HTR1D: variants seen among roughly 807,000 people sequenced by gnomAD.
HTR1D encodes the protein 5-hydroxytryptamine receptor 1D.
In HTR1D, 18 loss-of-function variants were observed where a neutral mutation model predicts 21.1. The observed-to-expected ratio is 0.85, with a 90% CI of 0.59 to 1.27. HTR1D has a LOEUF of 1.27. Among genes scored for constraint, HTR1D ranks in the 50% most tolerant of loss-of-function variants. The pLI is 0.00. For missense variants in HTR1D, 456 were observed against 481.4 expected (o/e 0.95, Z 0.49); for synonymous variants, 196 against 204.4 (o/e 0.96, Z 0.35).
chr1:23,195,228 A>G (rs1468807656), intron 1 of HTR1D, among the ~76,000 whole-genome samples: 1 of 152,244 alleles, frequency 6.6e-6, no homozygotes, highest in Admixed American at 6.5e-5. Context: ...GCTTGTTAGA[A>G]GTACATGAAA....
intron 1 of HTR1D, among the ~76,000 whole-genome samples, chr1:23,203,649 CCT>C (rs553724635): frequency 1.6e-3 from 244 of 152,064 alleles, no homozygotes; most frequent in Non-Finnish European, 2.3e-3. Context: ...AGAGTGAGCC[CCT>C]GTCTTAAAAC....
rs770061702 is a variant in HTR1D, at chr1:23,193,977, G to C, written c.243C>G (p.Ala81=). 6.2e-7 allele frequency: 1 copy of C among 1,614,152 alleles called. No homozygotes were observed. Among genetic ancestry groups the C allele is most frequent in the Non-Finnish European group, 8.5e-7 (1 of 1,180,042 alleles). ...TPANYLIGSL[A]TTDLLVSILV... ...AGATGGAAACCAAGAGGTCGGTGGT[G>C]GCCAGGGAGCCAATCAGGTAGTTGG... Residue 81 remains alanine (A), a synonymous_variant, in exon 2 of 2, where the codon GCC becomes GCG. Transcript: ENST00000374619.
chr1:23,195,329 G>C (rs568582555), intron 1 of HTR1D, among the ~76,000 whole-genome samples: 1 of 152,090 alleles, frequency 6.6e-6, no homozygotes, highest in South Asian at 2.1e-4. Context: ...GAACGATAAA[G>C]GCCATCAGGA....
At chr1:23,216,960 C>T (rs778178839) in intron 1 of HTR1D, among the ~76,000 whole-genome samples, 117 of 152,166 alleles carry the variant, frequency 7.7e-4, no homozygotes, top group Non-Finnish European at 9.9e-4. Flanking sequence ...CCTCGGGGGG[C>T]GTCGCGGTCC....
chr1:23,211,953 A>T (rs1196249218), intron 1 of HTR1D, among the ~76,000 whole-genome samples: 4 of 152,074 alleles, frequency 2.6e-5, no homozygotes, highest in Non-Finnish European at 5.9e-5. Flanking sequence ...GTGAATCATC[A>T]TGCCCAGCCC....
rs1181010385 is a variant in HTR1D at position 23,193,997 on chromosome 1, A to C, written c.223T>G (p.Tyr75Asp). The C allele has an allele frequency of 6.2e-7, 1 of 1,613,976 alleles. No homozygotes were observed. The highest frequency in any genetic ancestry group is 8.5e-7 in the Non-Finnish European group (1 of 1,179,998). The change falls in exon 2 of 2, where the codon TAC (tyrosine) becomes GAC (aspartate). Residue 75 changes from tyrosine (Y) to aspartate (D), a missense_variant. By Grantham distance (160) the Tyr-to-Asp change is radical. Transcript: ENST00000374619. ...GTGGTGGCCAGGGAGCCAATCAGGTAGTTGGCAGGGGTGTGGAGCTTCCTG... is the reference window on the plus strand; with the variant it reads ...GTGGTGGCCAGGGAGCCAATCAGGTCGTTGGCAGGGGTGTGGAGCTTCCTG... ...LTRKLHTPANYLIGSLATTDL... is the reference protein window; with the variant it reads ...LTRKLHTPANDLIGSLATTDL...
intron 1 of HTR1D, among the ~76,000 whole-genome samples, chr1:23,206,110 C>T (rs1644729509): frequency 6.6e-6 from 1 of 151,300 alleles, no homozygotes; most frequent in African/African-American, 2.4e-5. Context: ...GGTGCGATCT[C>T]GGCTCACTGC....
At position 23,193,843 on chromosome 1, in the gene HTR1D, A is replaced by T. The variant is rs1644672851; in HGVS notation, c.377T>A (p.Ile126Asn). 6.2e-7 allele frequency: 1 copy of T among 1,614,098 alleles called. No individual in the cohort carries two copies. Among genetic ancestry groups the T allele is most frequent in the Non-Finnish European group, 8.5e-7 (1 of 1,180,050 alleles). Reference sequence around the variant, plus strand: ...CAGAGCAATGACACAGAGATGCAGGATGGAGGCTGTGCAGCACGTGATGTC... The same window carrying T: ...CAGAGCAATGACACAGAGATGCAGGTTGGAGGCTGTGCAGCACGTGATGTC... ...SSDITCCTAS[I>N]LHLCVIALDR... Residue 126 changes from isoleucine (I) to asparagine (N), a missense_variant, in exon 2 of 2, where the codon ATC becomes AAC. Ile to Asn is a moderately radical substitution (Grantham distance 149, BLOSUM62 -3). Coordinates refer to ENST00000374619, the MANE Select transcript of HTR1D (RefSeq NM_000864.5).
rs1198536412 is a variant in HTR1D at position 23,193,521 on chromosome 1, T to C, written c.699A>G (p.Ser233=). The change falls in exon 2 of 2, where the codon TCA becomes TCG. Residue 233 remains serine (S), a synonymous_variant. Transcript: ENST00000374619. ...AARNRILNPP[S]LYGKRFTTAH... is the part of the protein sequence containing the mutation. ...CCGTGGTGAAGCGCTTCCCATAGAG[T>C]GAGGGTGGATTCAGGATGCGGTTCC... 1 of 1,612,006 alleles carries C rather than the reference T, an allele frequency of 6.2e-7. No individual in the cohort carries two copies. The highest frequency in any genetic ancestry group is 8.5e-7 in the Non-Finnish European group (1 of 1,179,458).
chr1:23,200,513 A>T (rs748982308), intron 1 of HTR1D, among the ~76,000 whole-genome samples: 1 of 152,172 alleles, frequency 6.6e-6, no homozygotes, highest in Non-Finnish European at 1.5e-5. Context: ...AACGCTCAAT[A>T]TAGTCAATGG....
rs1197360313 is a variant in HTR1D, at chr1:23,217,167, C to G, written c.-783+124G>C. ...GACCCTCTCCCTGGCGCGCGCCCGT[C>G]CGAGGGCACAGAGAGGCGGGACGCC... is the stretch of plus-strand genomic sequence containing the variant. On this transcript the variant is annotated intron_variant, in intron 1 of 1. Coordinates refer to ENST00000374619, the MANE Select transcript of HTR1D (RefSeq NM_000864.5). This position sits in a 1 kb window ranked among gnomAD's most constrained non-coding sequence, Gnocchi z 4.6. 1.3e-5 allele frequency among the ~76,000 whole-genome samples: 2 copies of G among 151,796 alleles called. No homozygotes were observed. The highest frequency in any genetic ancestry group is 2.9e-5 in the Non-Finnish European group (2 of 67,872).
intron 1 of HTR1D, among the ~76,000 whole-genome samples, chr1:23,214,425 ATCAT>A (rs142572853): frequency 4.6e-5 from 7 of 151,814 alleles, no homozygotes; most frequent in East Asian, 1.9e-4. Flanking sequence ...AGACTCTGTC[ATCAT>A]TCATTCATTC....
intron 1 of HTR1D, among the ~76,000 whole-genome samples, chr1:23,214,248 G>A (rs1241839842): frequency 2.0e-5 from 3 of 152,024 alleles, no homozygotes; most frequent in Admixed American, 6.6e-5. Context: ...GCAACATGGC[G>A]AAACCCCATC....
chr1:23,193,051 A>C lies in HTR1D; in HGVS notation c.*35T>G. The C allele has an allele frequency of 7.0e-7, 1 of 1,422,088 alleles. No individual in the cohort carries two copies. The highest frequency in any genetic ancestry group is 9.6e-7 in the Non-Finnish European group (1 of 1,036,930). The allele number at this position is 1,422,088 out of a possible 1,614,324, so 88.1% of individuals were successfully genotyped here. On this transcript the variant is annotated 3_prime_UTR_variant, in exon 2 of 2. Transcript: ENST00000374619. ...AAGACAATCCCGATGAGGTTACAGG[A>C]CACAAAAGATAACAAGAGTCATCAC...
In HTR1D at chr1:23,193,740, GGCGATCATGGTGGCC is replaced by G. The variant is rs1644672020; in HGVS notation, c.465_479del (p.Ala156_Ala160del). The G allele has an allele frequency of 2.5e-6, 4 of 1,614,190 alleles. No homozygotes were observed. Among genetic ancestry groups the G allele is most frequent in the Non-Finnish European group, 3.4e-6 (4 of 1,180,026 alleles). On this transcript the variant is annotated inframe_deletion, in exon 2 of 2. Coordinates refer to ENST00000374619, the MANE Select transcript of HTR1D (RefSeq NM_000864.5). ...TGCAGATGGAGATGGCCCAGACAATGGCGATCATGGTGGCCGCGTGGCCAGCCGTCCTGCGTTTAC... is the reference window on the plus strand; with the variant it reads ...TGCAGATGGAGATGGCCCAGACAATGGCGTGGCCAGCCGTCCTGCGTTTAC...
At chr1:23,206,195 C>T (rs995238428) in intron 1 of HTR1D, among the ~76,000 whole-genome samples, 2 of 152,138 alleles carry the variant, frequency 1.3e-5, no homozygotes, top group African/African-American at 2.4e-5. Flanking sequence ...ATGCCCACCA[C>T]CATACCCAGC....
At chr1:23,212,538 T>A (rs2148244433) in intron 1 of HTR1D, among the ~76,000 whole-genome samples, 1 of 152,312 alleles carries the variant, frequency 6.6e-6, no homozygotes, top group East Asian at 1.9e-4. Context: ...GTAATACACA[T>A]CTCATTATCC....
Position 23,193,271 on chromosome 1 carries a change from A to T in HTR1D, c.949T>A (p.Phe317Ile), listed in dbSNP as rs1330086229. ...GGGAGGACCAGAGACACCACGAAGA[A>T]GGGCAGCCAGCAGATGATAAAGGCC... ...LGAFIICWLP[F>I]FVVSLVLPIC... The change falls in exon 2 of 2, where the codon TTC becomes ATC. Residue 317 changes from phenylalanine (F) to isoleucine (I), a missense_variant. Phe to Ile is a conservative substitution (Grantham distance 21). Coordinates refer to ENST00000374619, the MANE Select transcript of HTR1D (RefSeq NM_000864.5). 1 of 1,614,176 alleles carries T rather than the reference A, an allele frequency of 6.2e-7. No individual in the cohort carries two copies. The highest frequency in any genetic ancestry group is 1.7e-5 in the Admixed American group (1 of 60,010).
intron 1 of HTR1D, among the ~76,000 whole-genome samples, chr1:23,213,357 A>G (rs1557729384): frequency 1.3e-5 from 2 of 152,126 alleles, no homozygotes; most frequent in African/African-American, 2.4e-5. Flanking sequence ...GTGTGCGCCT[A>G]TAGTCCCAGC....
Sources: allele counts gnomAD v4.1 joint callset (sites outside exome capture counted in the v4.1 genomes callset), GRCh38; gene constraint gnomAD v4.1.1; non-coding constraint Gnocchi (gnomAD v3.1); transcripts MANE v1.5; gene names NCBI Gene and HGNC (gene_info 2026-07-23, HGNC 2026-07-21).